The following KLHL32 variants were observed in gnomAD, a reference collection of about 807,000 sequenced individuals.
KLHL32 encodes the protein kelch-like protein 32.
Under a neutral mutation model 64.8 loss-of-function variants are expected in KLHL32, and 35 were observed. That is an observed-to-expected ratio of 0.54 (90% CI 0.41 to 0.72). The LOEUF (loss-of-function observed/expected upper bound fraction) is 0.72, where lower values mean the gene tolerates loss of function less well. KLHL32 is among the 30% of genes least tolerant of loss of function. KLHL32 has a pLI of 0.00. For synonymous variants in KLHL32, 259 were observed against 281.0 expected (o/e 0.92, Z 0.78); for missense variants, 589 against 768.5 (o/e 0.77, Z 2.76).
At chr6:97,035,555 G>T (rs1425938463) in intron 3 of KLHL32, among the ~76,000 whole-genome samples, 3 of 151,946 alleles carry the variant, frequency 2.0e-5, no homozygotes, top group Admixed American at 1.3e-4. Flanking sequence ...TTGTTTCCCT[G>T]GGAAAGACTT....
intron 3 of KLHL32, among the ~76,000 whole-genome samples, chr6:96,991,952 C>T (rs1777925311): frequency 6.6e-6 from 1 of 152,134 alleles, no homozygotes; most frequent in Non-Finnish European, 1.5e-5. Flanking sequence ...CACTGTGCTC[C>T]CTCCCCAGCC....
chr6:97,074,634 A>C (rs1249916364), intron 5 of KLHL32, among the ~76,000 whole-genome samples: 2 of 151,398 alleles, frequency 1.3e-5, no homozygotes, highest in African/African-American at 4.8e-5. Context: ...CTACTTTATT[A>C]AGTTATGATT....
intron 3 of KLHL32, among the ~76,000 whole-genome samples, chr6:96,991,990 A>G (rs1777931200): frequency 6.6e-6 from 1 of 152,154 alleles, no homozygotes; most frequent in African/African-American, 2.4e-5. Flanking sequence ...AGGGCTTCCG[A>G]GCGGCAGAAA....
chr6:97,127,526 T>C (rs1263596412), intron 8 of KLHL32, 64 bp downstream of exon 8: 8 of 1,329,576 alleles, frequency 6.0e-6, no homozygotes, highest in Non-Finnish European at 8.7e-6. Flanking sequence ...TCCAGAGTAA[T>C]TAGTAATTGG....
intron 4 of KLHL32, among the ~76,000 whole-genome samples, chr6:97,051,947 A>C (rs1786981590): frequency 6.6e-6 from 1 of 152,226 alleles, no homozygotes; most frequent in Non-Finnish European, 1.5e-5. Context: ...AAGGATCCCC[A>C]GAAGATATGC....
intron 3 of KLHL32, among the ~76,000 whole-genome samples, chr6:97,020,001 G>A (rs958714690): frequency 2.0e-5 from 3 of 149,122 alleles, no homozygotes; most frequent in Non-Finnish European, 3.0e-5. Context: ...AGGCTAGAGT[G>A]CAGCAATCTT....
intron 6 of KLHL32, among the ~76,000 whole-genome samples, chr6:97,093,748 A>C (rs969134644): frequency 3.3e-5 from 5 of 152,044 alleles, no homozygotes; most frequent in Admixed American, 3.3e-4. Flanking sequence ...ATGCTTAGAG[A>C]ATTCTGGCAG....
At position 96,924,731 on chromosome 6, in the gene KLHL32, T is replaced by C. The variant is rs1768920469; in HGVS notation, c.-361T>C. ...GCAGTGCTGGCTAGGGCTTTTTATT[T>C]ACTAGGGAGCAGTTTCCCCGCGCGA... On this transcript the variant is annotated 5_prime_UTR_variant, in exon 1 of 11. Transcript: ENST00000369261. 1 of 152,116 alleles carries C rather than the reference T, an allele frequency of 6.6e-6. No homozygotes were observed. The highest frequency in any genetic ancestry group is 1.5e-5 in the Non-Finnish European group (1 of 68,172). The allele number at this position is 152,116 out of a possible 1,614,324, so 9.4% of individuals were successfully genotyped here.
At chr6:96,937,104 C>G (rs889104471) in intron 1 of KLHL32, among the ~76,000 whole-genome samples, 2 of 152,056 alleles carry the variant, frequency 1.3e-5, no homozygotes, top group African/African-American at 4.8e-5. Context: ...TAAAGTTCAC[C>G]CATTGTAACT....
At chr6:97,001,843 T>C (rs1779073989) in intron 3 of KLHL32, among the ~76,000 whole-genome samples, 1 of 152,194 alleles carries the variant, frequency 6.6e-6, no homozygotes, top group Non-Finnish European at 1.5e-5. Context: ...CCTGGCTCTT[T>C]TGTTAAAGGT....
intron 1 of KLHL32, among the ~76,000 whole-genome samples, chr6:96,931,470 GT>G (rs1370581135): frequency 1.8e-4 from 27 of 152,148 alleles, no homozygotes; most frequent in African/African-American, 6.3e-4. Context: ...GCTAAGCTTT[GT>G]TTTCATCATA....
intron 3 of KLHL32, among the ~76,000 whole-genome samples, chr6:97,019,940 C>T (rs1212105339): frequency 8.2e-6 from 1 of 122,642 alleles, no homozygotes; most frequent in Non-Finnish European, 1.6e-5. Context: ...TCACCACTCC[C>T]GGCGAATTTT....
intron 6 of KLHL32, among the ~76,000 whole-genome samples, chr6:97,111,033 G>A (rs376709728): frequency 5.3e-5 from 8 of 151,066 alleles, no homozygotes; most frequent in African/African-American, 9.9e-5. Context: ...AAAGTCTTGG[G>A]GGGGGGGGGT....
chr6:97,027,398 C>A (rs1258891328), intron 3 of KLHL32, among the ~76,000 whole-genome samples: 3 of 152,300 alleles, frequency 2.0e-5, no homozygotes, highest in East Asian at 3.9e-4. Flanking sequence ...AAGAAACTTC[C>A]ATGTCATTCT....
intron 3 of KLHL32, among the ~76,000 whole-genome samples, chr6:97,017,452 GGA>G (rs1328974895): frequency 6.6e-6 from 1 of 152,192 alleles, no homozygotes; most frequent in African/African-American, 2.4e-5. Flanking sequence ...ATTCCATTCT[GGA>G]GAGGGACTGA....
chr6:96,995,586 A>G (rs1234270886), intron 3 of KLHL32, among the ~76,000 whole-genome samples: 1 of 152,000 alleles, frequency 6.6e-6, no homozygotes, highest in Non-Finnish European at 1.5e-5. Context: ...TTGTCTGTTT[A>G]TCCAGTGTTG....
upstream of KLHL32, among the ~76,000 whole-genome samples, chr6:96,920,022 A>G (rs1768700068): frequency 6.6e-6 from 1 of 152,214 alleles, no homozygotes; most frequent in Non-Finnish European, 1.5e-5. Flanking sequence ...TCCTCAGTGG[A>G]AAGGCAGGGT....
intron 1 of KLHL32, among the ~76,000 whole-genome samples, chr6:96,948,722 G>A (rs1403431003): frequency 6.6e-6 from 1 of 152,044 alleles, no homozygotes; most frequent in East Asian, 1.9e-4. Flanking sequence ...TGATGAAGGA[G>A]GGATTTAACT....
intron 5 of KLHL32, among the ~76,000 whole-genome samples, chr6:97,076,056 T>C (rs1791546759): frequency 6.6e-6 from 1 of 152,186 alleles, no homozygotes; most frequent in Non-Finnish European, 1.5e-5. Context: ...TCCGTAGATT[T>C]CTCCATGTGC....
Sources: allele counts gnomAD v4.1 joint callset (sites outside exome capture counted in the v4.1 genomes callset), GRCh38; gene constraint gnomAD v4.1.1; transcripts MANE v1.5; gene names NCBI Gene and HGNC (gene_info 2026-07-23, HGNC 2026-07-21).